LAMA1: variants seen among roughly 807,000 people sequenced by gnomAD.
The protein encoded by LAMA1 is laminin subunit alpha-1.
LAMA1 carries 219 observed loss-of-function variants against 348.7 expected under a neutral mutation model. The ratio of observed to expected loss-of-function variants is 0.63; its 90% CI spans 0.56 to 0.70. The LOEUF (loss-of-function observed/expected upper bound fraction) is 0.70, where lower values mean the gene tolerates loss of function less well. Ranked by LOEUF, LAMA1 falls within the 30% of genes least tolerant of loss-of-function variation. The probability of loss-of-function intolerance (pLI) is 0.00; values close to 1 mark genes in which losing one functional copy is unlikely to be tolerated. For missense variants in LAMA1, 3,744 were observed against 3,888.0 expected (o/e 0.96, Z 0.99); for synonymous variants, 1,487 against 1,491.0 (o/e 1.00, Z 0.06).
chr18:7,086,885 AT>A (rs1161409223), intron 1 of LAMA1, among the ~76,000 whole-genome samples: 1 of 151,538 alleles, frequency 6.6e-6, no homozygotes, highest in African/African-American at 2.4e-5. Context: ...GTGATTCTTA[AT>A]TTTACCTTAG....
Position 7,059,853 on chromosome 18 carries a change from T to C in LAMA1, c.346-8917A>G, listed in dbSNP as rs9965008. 2.0e-5 allele frequency among the ~76,000 whole-genome samples: 3 copies of C among 152,360 alleles called. No individual in the cohort carries two copies. The East Asian group carries it at 5.8e-4, about 29-fold the overall frequency. ...GACAAAAGAGATTTAGATGAACAGT[T>C]AAGTGCATTTGATAAATAATATTGC... On this transcript the variant is annotated intron_variant, in intron 3 of 62. Transcript: ENST00000389658.
At chr18:7,087,947 A>T (rs1181246643) in intron 1 of LAMA1, among the ~76,000 whole-genome samples, 5 of 152,240 alleles carry the variant, frequency 3.3e-5, no homozygotes, top group Admixed American at 3.3e-4. Context: ...TGTTCATATT[A>T]TCAGGGGGTA....
chr18:7,080,185 A>G (rs935585690), intron 2 of LAMA1, 98 bp from the exon 3 acceptor site: 2 of 1,568,192 alleles, frequency 1.3e-6, no homozygotes, highest in Non-Finnish European at 1.8e-6. Context: ...AGAGCAGTGA[A>G]GGTGAACACA....
intron 34 of LAMA1, 53 bp downstream of exon 34, chr18:6,995,304 G>A (rs2057776166): frequency 8.2e-7 from 1 of 1,222,812 alleles, no homozygotes; most frequent in Non-Finnish European, 1.2e-6. Flanking sequence ...CTGCTCAGGA[G>A]GGCTGATGGG....
chr18:7,083,019 C>T (rs1434546520), intron 1 of LAMA1, among the ~76,000 whole-genome samples: 3 of 152,014 alleles, frequency 2.0e-5, no homozygotes, highest in African/African-American at 7.3e-5. Flanking sequence ...GCACCACACA[C>T]TGTGTATGCT....
Position 6,955,349 on chromosome 18 carries a change from C to T in LAMA1, c.8207+4G>A. 1.2e-6 allele frequency: 2 copies of T among 1,609,454 alleles called. No homozygotes were observed. The highest frequency in any genetic ancestry group is 2.7e-5 in the African/African-American group (2 of 74,946). On this transcript the variant is annotated splice_donor_region_variant and intron_variant, in intron 57 of 62. Coordinates refer to ENST00000389658, the MANE Select transcript of LAMA1 (RefSeq NM_005559.4). Reference sequence around the variant, plus strand: ...CCGCATAAGGATGTTAGAATGATACCTACTTCTTTCTGACAGCCGACTGAT... The same window carrying T: ...CCGCATAAGGATGTTAGAATGATACTTACTTCTTTCTGACAGCCGACTGAT...
chr18:6,992,834 G>A, intron 35 of LAMA1, 114 bp from the exon 36 acceptor site: 1 of 857,542 alleles, frequency 1.2e-6, no homozygotes, highest in Non-Finnish European at 1.9e-6. Flanking sequence ...AGCTGAGTTG[G>A]ACCTCCATGT....
intron 3 of LAMA1, among the ~76,000 whole-genome samples, chr18:7,068,719 T>C (rs897989108): frequency 6.6e-6 from 1 of 152,190 alleles, no homozygotes; most frequent in South Asian, 2.1e-4. Flanking sequence ...AGCCATGTTT[T>C]AAAAACGTTG....
At chr18:7,048,996 A>G in intron 5 of LAMA1, 82 bp downstream of exon 5, 20 of 1,394,316 alleles carry the variant, frequency 1.4e-5, no homozygotes, top group Non-Finnish European at 2.0e-5. Context: ...AACAACCAAA[A>G]AGGAAAGAAG....
In LAMA1 at chr18:6,965,295, C is replaced by T; in HGVS notation, c.7188G>A (p.Arg2396=). The part of the protein sequence containing the change: ...TWYKIAFQRN[R]KQGVLAVIDA... The stretch of plus-strand genomic sequence containing the variant: ...GTCCATCTGTGTCCCTACCTTGCTT[C>T]CGGTTTCGCTGGAAGGCAATTTTGT... Residue 2396 remains arginine, a synonymous_variant, in exon 50 of 63, where the codon CGG becomes CGA. Transcript: ENST00000389658. 4.3e-6 allele frequency: 7 copies of T among 1,614,210 alleles called. No individual in the cohort carries two copies. The highest frequency in any genetic ancestry group is 5.9e-6 in the Non-Finnish European group (7 of 1,180,022).
intron 61 of LAMA1, among the ~76,000 whole-genome samples, chr18:6,946,589 C>G (rs1455902578): frequency 2.0e-5 from 3 of 152,044 alleles, no homozygotes; most frequent in Admixed American, 6.6e-5. Flanking sequence ...TGTGGTGGTG[C>G]ACGCCTGTAA....
At chr18:7,057,780 A>C (rs1337593395) in intron 3 of LAMA1, among the ~76,000 whole-genome samples, 2 of 145,930 alleles carry the variant, frequency 1.4e-5, no homozygotes, top group African/African-American at 5.1e-5. Context: ...CATCCAGCCC[A>C]AAATTCTTTC....
intron 61 of LAMA1, among the ~76,000 whole-genome samples, chr18:6,944,284 G>A (rs7240039): frequency 0.026 from 3,892 of 152,196 alleles, 177 homozygotes; most frequent in African/African-American, 0.089. Context: ...CCAAAGTGCC[G>A]GGATTACAGG....
chr18:6,942,507 G>A (rs1468503165), intron 62 of LAMA1, among the ~76,000 whole-genome samples: 6 of 151,588 alleles, frequency 4.0e-5, no homozygotes, highest in Non-Finnish European at 7.4e-5. Context: ...TCTGCCTCCC[G>A]GGTTCAAGTG....
intron 1 of LAMA1, among the ~76,000 whole-genome samples, chr18:7,082,275 T>C (rs2069175): frequency 0.059 from 8,997 of 152,248 alleles, 589 homozygotes; most frequent in East Asian, 0.22. Flanking sequence ...TAGCATGAAC[T>C]TACATCATAT....
chr18:7,003,319 C>T (rs1372829009), intron 29 of LAMA1, among the ~76,000 whole-genome samples: 1 of 150,930 alleles, frequency 6.6e-6, no homozygotes, highest in Non-Finnish European at 1.5e-5. Flanking sequence ...GGCATTATCT[C>T]GGCTCACTGT....
chr18:7,043,648 G>A (rs2058029808), intron 7 of LAMA1, among the ~76,000 whole-genome samples: 1 of 152,134 alleles, frequency 6.6e-6, no homozygotes, highest in Non-Finnish European at 1.5e-5. Flanking sequence ...TTTCGCAGAA[G>A]TACTTGCCCA....
intron 51 of LAMA1, among the ~76,000 whole-genome samples, chr18:6,962,595 T>C (rs2057613497): frequency 6.6e-6 from 1 of 152,120 alleles, no homozygotes; most frequent in Non-Finnish European, 1.5e-5. Flanking sequence ...ACTTAGTGAG[T>C]TTGGCTACTT....
At chr18:7,024,144 T>C (rs1024046297) in intron 18 of LAMA1, among the ~76,000 whole-genome samples, 1 of 152,168 alleles carries the variant, frequency 6.6e-6, no homozygotes, top group Non-Finnish European at 1.5e-5. Flanking sequence ...AAACCCGGCC[T>C]ATTGTTCTTG....
Sources: gnomAD v4.1 joint callset for allele counts (sites outside exome capture counted in the v4.1 genomes callset) on GRCh38, gnomAD v4.1.1 for gene constraint, MANE v1.5 for transcripts, NCBI Gene and HGNC (gene_info 2026-07-23, HGNC 2026-07-21) for gene names.